PIBF1: variants seen among roughly 807,000 people sequenced by gnomAD.
The protein encoded by PIBF1 is progesterone-induced-blocking factor 1.
Under a neutral mutation model 112.5 loss-of-function variants are expected in PIBF1, and 90 were observed. The observed-to-expected ratio is 0.80, with a 90% CI of 0.67 to 0.95. PIBF1 has a LOEUF of 0.95. Ranked by LOEUF, PIBF1 falls within the 40% of genes least tolerant of loss-of-function variation. The pLI is 0.00. For missense variants in PIBF1, 915 were observed against 852.3 expected (o/e 1.07, Z -0.92); for synonymous variants, 301 against 288.6 (o/e 1.04, Z -0.44).
chr13:73,016,052 TA>T lies in PIBF1; in HGVS notation c.*135del. ...ATGTTTATTTGAACTAATATTAAATTAACAAATTCAGTGTAATCAAAATGTG... is the reference window on the plus strand; with the variant it reads ...ATGTTTATTTGAACTAATATTAAATTACAAATTCAGTGTAATCAAAATGTG... On this transcript the variant is annotated 3_prime_UTR_variant, in exon 18 of 18. Transcript: ENST00000326291. 1 of 367,750 alleles carries T rather than the reference TA, an allele frequency of 2.7e-6. No homozygotes were observed. Among genetic ancestry groups the T allele is most frequent in the Non-Finnish European group, 4.8e-6 (1 of 206,640 alleles). The allele number at this position is 367,750 out of a possible 1,614,324, so 22.8% of individuals were successfully genotyped here. A position where few individuals can be genotyped will look rare whatever the true frequency, so the allele number is the denominator to read the frequency against.
At chr13:72,968,493 GT>G (rs1208224646) in intron 15 of PIBF1, among the ~76,000 whole-genome samples, 1 of 151,400 alleles carries the variant, frequency 6.6e-6, no homozygotes, top group Non-Finnish European at 1.5e-5. Context: ...TAAAGATGAG[GT>G]TTCACCCTGT....
intron 10 of PIBF1, among the ~76,000 whole-genome samples, chr13:72,871,531 C>T (rs1388233229): frequency 6.6e-6 from 1 of 152,124 alleles, no homozygotes; most frequent in Non-Finnish European, 1.5e-5. Flanking sequence ...GTCTTGAACT[C>T]CTGACCTTGT....
intron 5 of PIBF1, among the ~76,000 whole-genome samples, chr13:72,819,754 C>T (rs2036455804): frequency 6.6e-6 from 1 of 151,910 alleles, no homozygotes; most frequent in Admixed American, 6.6e-5. Flanking sequence ...AACACTCTAC[C>T]TTCTGCCCCT....
intron 16 of PIBF1, among the ~76,000 whole-genome samples, chr13:72,994,379 A>G (rs1020375021): frequency 6.6e-6 from 1 of 152,236 alleles, no homozygotes; most frequent in Non-Finnish European, 1.5e-5. Flanking sequence ...AGAGGGGAAA[A>G]AAATATTTGT....
At chr13:72,791,664 G>A (rs1211345404) in intron 2 of PIBF1, among the ~76,000 whole-genome samples, 2 of 151,008 alleles carry the variant, frequency 1.3e-5, no homozygotes, top group Non-Finnish European at 3.0e-5. Context: ...ACGGAGTCTC[G>A]CTCTGTCTCC....
At chr13:72,838,619 A>G (rs774443198) in intron 9 of PIBF1, among the ~76,000 whole-genome samples, 3 of 152,190 alleles carry the variant, frequency 2.0e-5, no homozygotes, top group African/African-American at 7.2e-5. Context: ...GTTGGTGTTT[A>G]ACTTATTTGA....
chr13:72,889,362 T>C (rs554679358), intron 10 of PIBF1, among the ~76,000 whole-genome samples: 1 of 152,260 alleles, frequency 6.6e-6, no homozygotes, highest in East Asian at 1.9e-4. Context: ...TTTGTCAACC[T>C]CTGCCCCACT....
At chr13:72,811,768 C>T (rs2138065415) in intron 5 of PIBF1, among the ~76,000 whole-genome samples, 1 of 152,118 alleles carries the variant, frequency 6.6e-6, no homozygotes, top group East Asian at 1.9e-4. Context: ...CCTCTAAAAC[C>T]TCTAAAAAAT....
At position 72,987,837 on chromosome 13, in the gene PIBF1, A is replaced by AATTT. The variant is rs1228971710; in HGVS notation, c.2050-10964_2050-10961dup. Among the ~76,000 whole-genome samples, 114 of 101,914 alleles carry AATTT rather than the reference A, an allele frequency of 1.1e-3. 3 individuals carry two copies. The highest frequency in any genetic ancestry group is 3.7e-3 in the African/African-American group (78 of 21,236). 66.9% of individuals were successfully genotyped at this position (101,914 alleles called of 152,430 possible). ...TTCTTGAGTTTTTTTTATTTTTTGT[A>AATTT]ATTTATTTATTTATTTATTTATTTT... On this transcript the variant is annotated intron_variant, in intron 16 of 17. Coordinates refer to ENST00000326291, the MANE Select transcript of PIBF1 (RefSeq NM_006346.4).
intron 6 of PIBF1, among the ~76,000 whole-genome samples, chr13:72,823,264 C>T (rs768227639): frequency 1.6e-4 from 24 of 152,098 alleles, no homozygotes; most frequent in African/African-American, 2.7e-4. Context: ...ATCGGGGCCA[C>T]GGATGATCAT....
At position 72,827,805 on chromosome 13, in the gene PIBF1, C is replaced by T; in HGVS notation, c.988C>T (p.Leu330Phe). 1.2e-6 allele frequency: 2 copies of T among 1,604,328 alleles called. No individual in the cohort carries two copies. The highest frequency in any genetic ancestry group is 1.7e-6 in the Non-Finnish European group (2 of 1,175,502). Residue 330 changes from leucine (L) to phenylalanine (F), a missense_variant, in exon 8 of 18, where the codon CTT (leucine) becomes TTT (phenylalanine). Leu to Phe is a conservative substitution (Grantham distance 22). Transcript: ENST00000326291. ...ATATCTTAATCGCCAAAACATGGAGCTTAGTGTTCGCTGTGCTCATGAAGA... is the reference window on the plus strand; with the variant it reads ...ATATCTTAATCGCCAAAACATGGAGTTTAGTGTTCGCTGTGCTCATGAAGA... ...KEYLNRQNMELSVRCAHEEDR... is the reference protein window; with the variant it reads ...KEYLNRQNMEFSVRCAHEEDR...
At chr13:72,968,345 G>A (rs1411556300) in intron 15 of PIBF1, among the ~76,000 whole-genome samples, 2 of 151,284 alleles carry the variant, frequency 1.3e-5, no homozygotes, top group African/African-American at 4.9e-5. Flanking sequence ...TTGTCACCCA[G>A]ACTGGAGTGC....
chr13:72,836,944 A>G (rs1001579108), intron 9 of PIBF1, among the ~76,000 whole-genome samples: 3 of 152,064 alleles, frequency 2.0e-5, no homozygotes, highest in African/African-American at 7.2e-5. Context: ...GAAATCATTC[A>G]TTTGTGTATT....
chr13:72,800,416 T>C (rs2035410963), intron 5 of PIBF1, among the ~76,000 whole-genome samples: 1 of 152,240 alleles, frequency 6.6e-6, no homozygotes, highest in Non-Finnish European at 1.5e-5. Flanking sequence ...TTTTTTGAAA[T>C]GGTTCATTAA....
chr13:72,801,338 C>T lies in PIBF1; in HGVS notation c.672+3312C>T, dbSNP rs142398384. On this transcript the variant is annotated intron_variant, in intron 5 of 17. Transcript: ENST00000326291. ...AAATTTTTTGGAGGTTTGTGACACT[C>T]GCAGATGAACTATGTAGCCTAGAAA... 5.4e-3 allele frequency among the ~76,000 whole-genome samples: 813 copies of T among 150,936 alleles called. 15 individuals are homozygous for T. Among genetic ancestry groups the T allele is most frequent in the African/African-American group, 0.019 (762 of 41,070 alleles).
At chr13:72,944,485 A>G (rs1188360573) in intron 14 of PIBF1, among the ~76,000 whole-genome samples, 2 of 152,058 alleles carry the variant, frequency 1.3e-5, no homozygotes, top group African/African-American at 4.8e-5. Flanking sequence ...TTCAGAATAA[A>G]CAATAAAATC....
At chr13:72,829,414 C>T (rs2036989451) in intron 8 of PIBF1, among the ~76,000 whole-genome samples, 1 of 152,070 alleles carries the variant, frequency 6.6e-6, no homozygotes, top group Non-Finnish European at 1.5e-5. Flanking sequence ...GATCCTAGGT[C>T]TTACATTTAA....
chr13:72,879,470 T>C (rs1029712396), intron 10 of PIBF1, among the ~76,000 whole-genome samples: 1 of 152,164 alleles, frequency 6.6e-6, no homozygotes, highest in Non-Finnish European at 1.5e-5. Flanking sequence ...GTTGGATAGA[T>C]CTTGACCTTA....
chr13:72,829,090 GT>G (rs1189710091), intron 8 of PIBF1, among the ~76,000 whole-genome samples: 1 of 152,098 alleles, frequency 6.6e-6, no homozygotes, highest in East Asian at 1.9e-4. Flanking sequence ...CTTTTGAGAA[GT>G]GTCTATATCC....
Sources: allele counts gnomAD v4.1 joint callset (sites outside exome capture counted in the v4.1 genomes callset), GRCh38; gene constraint gnomAD v4.1.1; transcripts MANE v1.5; gene names NCBI Gene and HGNC (gene_info 2026-07-23, HGNC 2026-07-21).